The following PIK3CD variants were observed in gnomAD, a reference collection of about 807,000 sequenced individuals.
The protein encoded by PIK3CD is phosphatidylinositol 4,5-bisphosphate 3-kinase catalytic subunit delta isoform.
A neutral mutation model predicts 122.9 loss-of-function variants in PIK3CD; 20 were observed. That is an observed-to-expected ratio of 0.16 (90% CI 0.11 to 0.24). The LOEUF is 0.24. Among genes scored for constraint, PIK3CD ranks in the 10% least tolerant of loss-of-function variants. The pLI is 1.00. For synonymous variants in PIK3CD, 596 were observed against 593.4 expected, an observed-to-expected ratio of 1.00 and a Z score of -0.06; for missense variants, 787 against 1,406.3, an observed-to-expected ratio of 0.56 and a Z score of 7.04.
At chr1:9,708,933 G>A (rs538999978) in intron 2 of PIK3CD, among the ~76,000 whole-genome samples, 4 of 152,322 alleles carry the variant, frequency 2.6e-5, no homozygotes, top group African/African-American at 9.6e-5. Context: ...GGGGAAGGGA[G>A]AAGGGGACCT....
Position 9,720,770 on chromosome 1 carries a change from G to A in PIK3CD, c.1550G>A (p.Arg517Gln), listed in dbSNP as rs1441813233. 3.1e-6 allele frequency: 5 copies of A among 1,612,886 alleles called. No individual in the cohort carries two copies. ...EQLQLREILE[R>Q]RGSGELYEHE... ...CTGCAGCTGCGGGAAATCCTGGAGC[G>A]GCGGGGGTCTGGGGAGCTGTATGAG... Residue 517 changes from arginine (R) to glutamine (Q), a missense_variant, in exon 13 of 24, where the codon CGG (arginine) becomes CAG (glutamine). By Grantham distance (43) the Arg-to-Gln change is conservative. Around this residue, in one of 6 missense-constraint regions of PIK3CD, gnomAD observed 592 missense variants for 920.6 expected, o/e 0.64. Coordinates refer to ENST00000377346, the MANE Select transcript of PIK3CD (RefSeq NM_005026.5). The surrounding 1 kb of genome is among the most constrained non-coding windows in gnomAD (Gnocchi z 9.0).
In PIK3CD at chr1:9,720,577, C is replaced by T. The variant is rs1648390336; in HGVS notation, c.1471-34C>T. On this transcript the variant is annotated intron_variant, in intron 11 of 23. Coordinates refer to ENST00000377346, the MANE Select transcript of PIK3CD (RefSeq NM_005026.5). This position sits in a 1 kb window ranked among gnomAD's most constrained non-coding sequence, Gnocchi z 9.0. ...GGGTCCTGCCCGGGCTGGTCCAGGC[C>T]CCTGGGGACGCTGAGTGCAGCCGTT... 1.3e-6 allele frequency: 2 copies of T among 1,549,522 alleles called. No individual in the cohort carries two copies. The highest frequency in any genetic ancestry group is 1.4e-5 in the African/African-American group (1 of 72,888).
At chr1:9,646,103 C>G in the PIK3CD span, among the ~76,000 whole-genome samples, 3 of 151,986 alleles carry the variant, frequency 2.0e-5, no homozygotes, top group East Asian at 3.9e-4. Flanking sequence ...AGAGGCCTAA[C>G]GAGACCCATG....
upstream of PIK3CD, among the ~76,000 whole-genome samples, chr1:9,649,458 C>T (rs908953237): frequency 6.6e-5 from 10 of 152,258 alleles, no homozygotes; most frequent in African/African-American, 2.2e-4. Context: ...GTCTCAAACT[C>T]CTGGCCTCAA....
intron 2 of PIK3CD, among the ~76,000 whole-genome samples, chr1:9,705,339 A>G (rs1223264798): frequency 6.6e-6 from 1 of 150,968 alleles, no homozygotes; most frequent in Non-Finnish European, 1.5e-5. Context: ...AAAAAAAAAA[A>G]AAGGAAAAAA....
Position 9,718,745 on chromosome 1 carries a change from G to A in PIK3CD, c.1072G>A (p.Val358Met). The change falls in exon 9 of 24, where the codon GTG becomes ATG. Residue 358 changes from valine to methionine, a missense_variant. Coordinates refer to ENST00000377346, the MANE Select transcript of PIK3CD (RefSeq NM_005026.5). This position sits in a 1 kb window ranked among gnomAD's most constrained non-coding sequence, Gnocchi z 7.2. ...FHGNEMLCKT[V>M]SSSEVSVCSE... ...CGGCAACGAGATGCTGTGCAAGACG[G>A]TGTCCAGCTCGGAGGTGAGCGTGTG... is the stretch of plus-strand genomic sequence containing the variant. 6.2e-7 allele frequency: 1 copy of A among 1,609,488 alleles called. No individual in the cohort carries two copies. Among genetic ancestry groups the A allele is most frequent in the Non-Finnish European group, 8.5e-7 (1 of 1,179,906 alleles).
rs1646775441 is a variant in PIK3CD at position 9,704,997 on chromosome 1, G to T, written c.-32-5427G>T. Among the ~76,000 whole-genome samples, 1 of 152,028 alleles carries T rather than the reference G, an allele frequency of 6.6e-6. No homozygotes were observed. The highest frequency in any genetic ancestry group is 2.1e-4 in the South Asian group (1 of 4,828). ...CAGCTGACGGTGAGGCCTGGGCCCA[G>T]CCGGCGCTGCCACCCAATCAACACC... On this transcript the variant is annotated intron_variant, in intron 2 of 23. Coordinates refer to ENST00000377346, the MANE Select transcript of PIK3CD (RefSeq NM_005026.5). The surrounding 1 kb of genome is among the most constrained non-coding windows in gnomAD (Gnocchi z 5.0).
intron 1 of PIK3CD, among the ~76,000 whole-genome samples, chr1:9,668,044 C>A (rs147819600): frequency 6.6e-6 from 1 of 151,614 alleles, no homozygotes; most frequent in Non-Finnish European, 1.5e-5. Flanking sequence ...TGAGCCACCA[C>A]GCCTGGTGTA....
At chr1:9,709,036 CT>C (rs747056340) in intron 2 of PIK3CD, among the ~76,000 whole-genome samples, 3 of 146,998 alleles carry the variant, frequency 2.0e-5, no homozygotes, top group Admixed American at 6.8e-5. Context: ...CAAATTTTTT[CT>C]TTTTTTTTTG....
chr1:9,675,343 G>A (rs1277299092), intron 1 of PIK3CD, among the ~76,000 whole-genome samples: 3 of 129,752 alleles, frequency 2.3e-5, no homozygotes, highest in Non-Finnish European at 3.1e-5. Context: ...CCGAGATTGC[G>A]CCACTGCACT....
chr1:9,690,031 G>C (rs1008667488), intron 1 of PIK3CD, among the ~76,000 whole-genome samples: 5 of 152,182 alleles, frequency 3.3e-5, no homozygotes, highest in Admixed American at 3.3e-4. Flanking sequence ...GATCCGTGAG[G>C]CCTCCAGCGG....
chr1:9,639,130 G>A, the PIK3CD span, among the ~76,000 whole-genome samples: 2 of 152,176 alleles, frequency 1.3e-5, no homozygotes, highest in African/African-American at 4.8e-5. Context: ...TGTGGGAAAT[G>A]GTTTCTTCTA....
At chr1:9,711,662 C>T (rs1246109600) in intron 3 of PIK3CD, among the ~76,000 whole-genome samples, 1 of 152,070 alleles carries the variant, frequency 6.6e-6, no homozygotes, top group Non-Finnish European at 1.5e-5. Context: ...CAGCCTCAAT[C>T]TCCCCAGGCT....
intron 15 of PIK3CD, 71 bp downstream of exon 15, chr1:9,721,658 C>A: frequency 6.2e-7 from 1 of 1,607,584 alleles, no homozygotes; most frequent in Non-Finnish European, 8.5e-7. Flanking sequence ...CCACTGGGGA[C>A]GTTTCCAGCA....
rs570902322 is a variant in PIK3CD at position 9,686,531 on chromosome 1, A to G, written c.-137-4936A>G. ...TTACTCTGATTTTTCTTTTCTTTTT[A>G]AAATAGAGACGGGGGTCTCACTGTG... is the stretch of plus-strand genomic sequence containing the variant. On this transcript the variant is annotated intron_variant, in intron 1 of 23. Coordinates refer to ENST00000377346, the MANE Select transcript of PIK3CD (RefSeq NM_005026.5). Among the ~76,000 whole-genome samples the G allele has an allele frequency of 2.4e-4, 36 of 151,972 alleles. No individual in the cohort carries two copies. In the South Asian group the frequency reaches 7.3e-3, roughly 31 times the overall value.
Position 9,710,441 on chromosome 1 carries a change from A to G in PIK3CD, c.-15A>G. 6.2e-7 allele frequency: 1 copy of G among 1,613,924 alleles called. No homozygotes were observed. Among genetic ancestry groups the G allele is most frequent in the Non-Finnish European group, 8.5e-7 (1 of 1,179,900 alleles). ...ATTTTTAGGACAACTGTCATCTGGG[A>G]AGTAACAACGCAGGATGCCCCCTGG... is the stretch of plus-strand genomic sequence containing the variant. On this transcript the variant is annotated 5_prime_UTR_variant, in exon 3 of 24. Transcript: ENST00000377346. This position sits in a 1 kb window ranked among gnomAD's most constrained non-coding sequence, Gnocchi z 4.7.
Position 9,722,781 on chromosome 1 carries a change from C to T in PIK3CD, c.2426+175C>T, listed in dbSNP as rs958817326. 4.6e-5 allele frequency among the ~76,000 whole-genome samples: 7 copies of T among 152,230 alleles called. No homozygotes were observed. The highest frequency in any genetic ancestry group is 3.4e-3 in the Middle Eastern group (1 of 294). ...CCAGGAGGCGGCGGGCAGCAGGATG[C>T]GTGAAGGCTGCTCCTGAGGCTTAGT... On this transcript the variant is annotated intron_variant, in intron 19 of 23. Coordinates refer to ENST00000377346, the MANE Select transcript of PIK3CD (RefSeq NM_005026.5). The surrounding 1 kb of genome is among the most constrained non-coding windows in gnomAD (Gnocchi z 7.6).
Position 9,652,358 on chromosome 1 carries a change from G to T in PIK3CD, c.-138+556G>T, listed in dbSNP as rs1644702364. Among the ~76,000 whole-genome samples, 1 of 152,158 alleles carries T rather than the reference G, an allele frequency of 6.6e-6. No homozygotes were observed. The highest frequency in any genetic ancestry group is 2.4e-5 in the African/African-American group (1 of 41,446). ...GCCCGGGTCCTGTGCGCCCTTCCCA[G>T]CCTGGGCAAGTGGGGAGCGGGGCTG... On this transcript the variant is annotated intron_variant, in intron 1 of 23. Transcript: ENST00000377346. The surrounding 1 kb of genome is among the most constrained non-coding windows in gnomAD (Gnocchi z 6.2).
chr1:9,688,855 GT>G (rs923684022), intron 1 of PIK3CD, among the ~76,000 whole-genome samples: 1 of 151,842 alleles, frequency 6.6e-6, no homozygotes, highest in African/African-American at 2.4e-5. Flanking sequence ...AGCGCCCAGA[GT>G]TTTTTTTAAG....
Sources: allele counts gnomAD v4.1 joint callset (sites outside exome capture counted in the v4.1 genomes callset), GRCh38; gene constraint gnomAD v4.1.1; regional missense constraint gnomAD v4.1.1; non-coding constraint Gnocchi (gnomAD v3.1); transcripts MANE v1.5; gene names NCBI Gene and HGNC (gene_info 2026-07-23, HGNC 2026-07-21).